MANSC1: variants seen among roughly 807,000 people sequenced by gnomAD.
The protein encoded by MANSC1 is MANSC domain containing 1, also known as MANSC domain-containing protein 1.
In MANSC1, 13 loss-of-function variants were observed where a neutral mutation model predicts 14.1. That is an observed-to-expected ratio of 0.92 (90% CI 0.60 to 1.46). The LOEUF is 1.46. MANSC1 is among the 40% of genes most tolerant of loss of function. MANSC1 has a pLI of 0.00. For synonymous variants in MANSC1, 227 were observed against 200.7 expected, an observed-to-expected ratio of 1.13 and a Z score of -1.11; for missense variants, 486 against 511.4, an observed-to-expected ratio of 0.95 and a Z score of 0.48.
At chr12:12,338,918 C>CACAA in intron 2 of MANSC1, 1 of 249,752 alleles carries the variant, frequency 4.0e-6, no homozygotes, top group South Asian at 4.9e-5. Flanking sequence ...CACACACACA[C>CACAA]CCCTAAGACC....
rs1250087887 is a variant in MANSC1 at position 12,350,220 on chromosome 12, G to C, written c.-243C>G. 1 of 152,250 alleles carries C rather than the reference G, an allele frequency of 6.6e-6. No individual in the cohort carries two copies. The highest frequency in any genetic ancestry group is 2.4e-5 in the African/African-American group (1 of 41,468). 9.4% of individuals were successfully genotyped at this position (152,250 alleles called of 1,614,324 possible). A position where few individuals can be genotyped will look rare whatever the true frequency, so the allele number is the denominator to read the frequency against. On this transcript the variant is annotated 5_prime_UTR_variant, in exon 1 of 4. Transcript: ENST00000535902. ...TGCTCCGCAGCTCCCGCACCGGCCT[G>C]GCGGGTTTTGTGGTTAGCAAGTTCC...
In MANSC1 at chr12:12,342,239, G is replaced by C. The variant is rs542002667; in HGVS notation, c.223+853C>G. Among the ~76,000 whole-genome samples, 19 of 152,238 alleles carry C rather than the reference G, an allele frequency of 1.2e-4. No homozygotes were observed. In the South Asian group the frequency reaches 3.9e-3, roughly 32 times the overall value. ...ATTACAGGAATGATTCACCACACCCGGCCATTCACTAGCTTTTCTAGGCAA... is the reference window on the plus strand; with the variant it reads ...ATTACAGGAATGATTCACCACACCCCGCCATTCACTAGCTTTTCTAGGCAA... On this transcript the variant is annotated intron_variant, in intron 2 of 3. Coordinates refer to ENST00000535902, the MANE Select transcript of MANSC1 (RefSeq NM_018050.4).
chr12:12,328,009 G>C lies in MANSC1; in HGVS notation c.*2018C>G, dbSNP rs1211378714. The C allele has an allele frequency of 1.3e-5, 2 of 152,164 alleles. No individual in the cohort carries two copies. Among genetic ancestry groups the C allele is most frequent in the African/African-American group, 4.8e-5 (2 of 41,420 alleles). 9.4% of individuals were successfully genotyped at this position (152,164 alleles called of 1,614,324 possible). A position where few individuals can be genotyped will look rare whatever the true frequency, so the allele number is the denominator to read the frequency against. On this transcript the variant is annotated 3_prime_UTR_variant, in exon 4 of 4. Transcript: ENST00000535902. ...CAGCTACTGCCCTCTAGTGCTCACT[G>C]TATTAAGTTCGCATCTGAATTCCAT... is the stretch of plus-strand genomic sequence containing the variant.
Position 12,346,690 on chromosome 12 carries a change from G to T in MANSC1, c.-100-3276C>A, listed in dbSNP as rs571168219. On this transcript the variant is annotated intron_variant, in intron 1 of 3. Transcript: ENST00000535902. ...AAAAATGAATAAATAAATAAATCTAGCCACATACTTTACACCTTTCACAAA... is the reference window on the plus strand; with the variant it reads ...AAAAATGAATAAATAAATAAATCTATCCACATACTTTACACCTTTCACAAA... Among the ~76,000 whole-genome samples, 19 of 152,240 alleles carry T rather than the reference G, an allele frequency of 1.2e-4. No homozygotes were observed. In the South Asian group the frequency reaches 3.7e-3, roughly 30 times the overall value.
At position 12,350,162 on chromosome 12, in the gene MANSC1, CCG is replaced by C. The variant is rs1463757373; in HGVS notation, c.-187_-186del. ...GCGCCCGCGGGAAGGACCGGCGAATCCGCGCGGGGGTCTCGGCGAGGACCGCA... is the reference window on the plus strand; with the variant it reads ...GCGCCCGCGGGAAGGACCGGCGAATCCGCGGGGGTCTCGGCGAGGACCGCA... On this transcript the variant is annotated 5_prime_UTR_variant, in exon 1 of 4. Transcript: ENST00000535902. 1 of 152,292 alleles carries C rather than the reference CCG, an allele frequency of 6.6e-6. No individual in the cohort carries two copies. The highest frequency in any genetic ancestry group is 1.5e-5 in the Non-Finnish European group (1 of 68,092). 9.4% of individuals were successfully genotyped at this position (152,292 alleles called of 1,614,324 possible). A position where few individuals can be genotyped will look rare whatever the true frequency, so the allele number is the denominator to read the frequency against.
intron 2 of MANSC1, chr12:12,338,890 A>ACC (rs1555141160): frequency 1.0e-5 from 2 of 192,924 alleles, no homozygotes; most frequent in Non-Finnish European, 2.1e-5. Context: ...CACACACACA[A>ACC]ACACACACAC....
At chr12:12,344,670 T>G (rs1169596730) in intron 1 of MANSC1, among the ~76,000 whole-genome samples, 2 of 150,152 alleles carry the variant, frequency 1.3e-5, no homozygotes, top group Non-Finnish European at 3.0e-5. Flanking sequence ...GGGGTTTCAC[T>G]GTGTTGGCCA....
In MANSC1 at chr12:12,327,215, C is replaced by T. The variant is rs76695635; in HGVS notation, c.*2812G>A. On this transcript the variant is annotated 3_prime_UTR_variant, in exon 4 of 4. Coordinates refer to ENST00000535902, the MANE Select transcript of MANSC1 (RefSeq NM_018050.4). ...TCTTCTCACCTGTTCTAGGCTGCTA[C>T]CTTCTCTTTCTACAAACCAAAGGAG... 10 of 152,416 alleles carry T rather than the reference C, an allele frequency of 6.6e-5. No homozygotes were observed. Among genetic ancestry groups the T allele is most frequent in the African/African-American group, 2.4e-4 (10 of 41,564 alleles). 9.4% of individuals were successfully genotyped at this position (152,416 alleles called of 1,614,324 possible).
intron 3 of MANSC1, 33 bp from the exon 4 acceptor site, chr12:12,330,991 A>G: frequency 7.7e-7 from 1 of 1,295,122 alleles, no homozygotes; most frequent in Non-Finnish European, 1.1e-6. Context: ...AGGAAGGCTT[A>G]TGTAACTCCA....
intron 3 of MANSC1, among the ~76,000 whole-genome samples, chr12:12,337,485 C>T (rs1862874086): frequency 6.6e-6 from 1 of 151,844 alleles, no homozygotes; most frequent in South Asian, 2.1e-4. Context: ...GGCCTGAACC[C>T]GGGAGGCGGA....
chr12:12,339,147 T>C (rs1030090311), intron 2 of MANSC1: 2 of 166,698 alleles, frequency 1.2e-5, no homozygotes, highest in Non-Finnish European at 2.6e-5. Flanking sequence ...CTGACACTGA[T>C]GTGGCCAAGG....
At chr12:12,346,963 G>T (rs1162687415) in intron 1 of MANSC1, among the ~76,000 whole-genome samples, 2 of 151,110 alleles carry the variant, frequency 1.3e-5, no homozygotes, top group African/African-American at 4.9e-5. Context: ...AATATTTGAG[G>T]TGGTTTTTTT....
intron 2 of MANSC1, among the ~76,000 whole-genome samples, chr12:12,340,958 C>T (rs1862925181): frequency 6.6e-6 from 1 of 152,190 alleles, no homozygotes; most frequent in Non-Finnish European, 1.5e-5. Flanking sequence ...TTCCTCCTGA[C>T]CCCAAGTATA....
At chr12:12,342,343 T>C (rs375007350) in intron 2 of MANSC1, among the ~76,000 whole-genome samples, 6 of 152,370 alleles carry the variant, frequency 3.9e-5, no homozygotes, top group African/African-American at 1.4e-4. Context: ...TCAAGAAATT[T>C]AGTTTTTTTC....
rs751522364 is a variant in MANSC1 at position 12,330,633 on chromosome 12, C to T, written c.690G>A (p.Val230=). Residue 230 remains valine (V), a synonymous_variant, in exon 4 of 4, where the codon GTG becomes GTA. Coordinates refer to ENST00000535902, the MANE Select transcript of MANSC1 (RefSeq NM_018050.4). ...AGGTGGTATGTGGAGAAGCAACTGCCACCGTAGCTGGGAGCGCACTCACAT... is the reference window on the plus strand; with the variant it reads ...AGGTGGTATGTGGAGAAGCAACTGCTACCGTAGCTGGGAGCGCACTCACAT... The part of the protein sequence containing the change: ...PENVSALPAT[V]AVASPHTTSA... The T allele has an allele frequency of 7.4e-6, 12 of 1,614,030 alleles. No homozygotes were observed. Among genetic ancestry groups the T allele is most frequent in the African/African-American group, 4.0e-5 (3 of 74,912 alleles).
At chr12:12,333,044 A>AATAT (rs147386841) in intron 3 of MANSC1, among the ~76,000 whole-genome samples, 193 of 148,446 alleles carry the variant, frequency 1.3e-3, no homozygotes, top group African/African-American at 4.5e-3. Flanking sequence ...TATATTTGAA[A>AATAT]ATATATATAT....
chr12:12,347,348 C>T lies in MANSC1; in HGVS notation c.-101+2730G>A, dbSNP rs116843259. On this transcript the variant is annotated intron_variant, in intron 1 of 3. Coordinates refer to ENST00000535902, the MANE Select transcript of MANSC1 (RefSeq NM_018050.4). ...GCAGTTCACAACAGGGTTCGTGCGC[C>T]GATGAGAATCTACGGCCACCACTGA... is the stretch of plus-strand genomic sequence containing the variant. 9.5e-3 allele frequency among the ~76,000 whole-genome samples: 1,452 copies of T among 152,156 alleles called. 66 individuals are homozygous for T. Among genetic ancestry groups the T allele is most frequent in the Admixed American group, 0.078 (1,197 of 15,270 alleles).
chr12:12,337,819 A>C (rs1025611514), intron 3 of MANSC1, among the ~76,000 whole-genome samples: 2 of 152,182 alleles, frequency 1.3e-5, no homozygotes, highest in Non-Finnish European at 2.9e-5. Flanking sequence ...TTTATTTTCC[A>C]TTCTGAATTA....
chr12:12,348,603 A>C (rs1433936402), intron 1 of MANSC1, among the ~76,000 whole-genome samples: 1 of 152,082 alleles, frequency 6.6e-6, no homozygotes, highest in Non-Finnish European at 1.5e-5. Context: ...TCTGTATAAC[A>C]CTGTAATGGA....
Sources: allele counts gnomAD v4.1 joint callset (sites outside exome capture counted in the v4.1 genomes callset), GRCh38; gene constraint gnomAD v4.1.1; transcripts MANE v1.5; gene names NCBI Gene and HGNC (gene_info 2026-07-23, HGNC 2026-07-21).